The following SGCZ variants were observed in gnomAD, a reference collection of about 807,000 sequenced individuals.
The protein encoded by SGCZ is sarcoglycan zeta.
A neutral mutation model predicts 41.3 loss-of-function variants in SGCZ; 40 were observed. The observed-to-expected ratio is 0.97, with a 90% CI of 0.75 to 1.26. The LOEUF (loss-of-function observed/expected upper bound fraction) is 1.26, where lower values mean the gene tolerates loss of function less well. Ranked by LOEUF, SGCZ falls within the 50% of genes most tolerant of loss-of-function variation. SGCZ has a pLI of 0.00. For missense variants in SGCZ, 552 were observed against 369.8 expected (o/e 1.49, Z -4.04); for synonymous variants, 206 against 137.5 (o/e 1.50, Z -3.49).
At chr8:14,769,165 G>C (rs1298847231) in intron 1 of SGCZ, among the ~76,000 whole-genome samples, 1 of 151,946 alleles carries the variant, frequency 6.6e-6, no homozygotes, top group African/African-American at 2.4e-5. Context: ...TAGGGAGCGA[G>C]GGAAAAACAG....
At chr8:14,528,625 C>G (rs1412097870) in intron 2 of SGCZ, among the ~76,000 whole-genome samples, 27 of 151,750 alleles carry the variant, frequency 1.8e-4, no homozygotes, top group Admixed American at 1.8e-3. Flanking sequence ...TCCCCTGTTC[C>G]AACATAACCA....
At chr8:14,754,559 T>C (rs919664423) in intron 1 of SGCZ, among the ~76,000 whole-genome samples, 4 of 152,208 alleles carry the variant, frequency 2.6e-5, no homozygotes, top group Admixed American at 2.6e-4. Flanking sequence ...TCCAGAATAG[T>C]GGCTGGTACA....
intron 1 of SGCZ, among the ~76,000 whole-genome samples, chr8:14,656,480 T>G (rs73200888): frequency 0.043 from 6,266 of 146,074 alleles, 169 homozygotes; most frequent in South Asian, 0.12. Context: ...TTTCTTCTCT[T>G]TCTCCCTCTC....
At chr8:14,739,650 G>C (rs1799142673) in intron 1 of SGCZ, among the ~76,000 whole-genome samples, 1 of 151,906 alleles carries the variant, frequency 6.6e-6, no homozygotes, top group South Asian at 2.1e-4. Context: ...TAGAAAACTA[G>C]TTTATTTCTG....
At chr8:14,654,956 G>A (rs1807515339) in intron 1 of SGCZ, among the ~76,000 whole-genome samples, 1 of 151,922 alleles carries the variant, frequency 6.6e-6, no homozygotes, top group South Asian at 2.1e-4. Flanking sequence ...GGAAGCCACT[G>A]CACTGGCCCC....
chr8:14,582,936 C>T (rs1804940660), intron 1 of SGCZ, among the ~76,000 whole-genome samples: 1 of 151,872 alleles, frequency 6.6e-6, no homozygotes, highest in Admixed American at 6.6e-5. Flanking sequence ...GGTTCCAAGT[C>T]TTTGCTATGG....
intron 4 of SGCZ, among the ~76,000 whole-genome samples, chr8:14,167,448 T>G (rs1193565132): frequency 2.6e-5 from 4 of 152,154 alleles, no homozygotes; most frequent in Admixed American, 2.6e-4. Flanking sequence ...GGTAGTGCTA[T>G]ATTTTCTTAG....
intron 1 of SGCZ, among the ~76,000 whole-genome samples, chr8:15,111,007 AATAGC>A (rs1376013927): frequency 6.6e-6 from 1 of 152,178 alleles, no homozygotes; most frequent in Non-Finnish European, 1.5e-5. Flanking sequence ...GAATTTTTAA[AATAGC>A]ATAACCAACA....
chr8:14,912,545 T>C (rs1299701798), intron 1 of SGCZ, among the ~76,000 whole-genome samples: 1 of 152,062 alleles, frequency 6.6e-6, no homozygotes, highest in Non-Finnish European at 1.5e-5. Flanking sequence ...CAACATAAGA[T>C]GGAATATAGT....
chr8:14,446,048 C>T (rs571328145), intron 2 of SGCZ, among the ~76,000 whole-genome samples: 94 of 152,290 alleles, frequency 6.2e-4, no homozygotes, highest in Non-Finnish European at 9.6e-4. Flanking sequence ...TGTCATGAGT[C>T]TGAAGAAGGG....
At chr8:15,076,664 G>C (rs1296602575) in intron 1 of SGCZ, among the ~76,000 whole-genome samples, 1 of 151,878 alleles carries the variant, frequency 6.6e-6, no homozygotes, top group South Asian at 2.1e-4. Flanking sequence ...CCAGCCAGAA[G>C]GTAGAGATTG....
At chr8:14,594,984 C>T (rs957217684) in intron 1 of SGCZ, among the ~76,000 whole-genome samples, 7 of 151,612 alleles carry the variant, frequency 4.6e-5, no homozygotes, top group Non-Finnish European at 1.0e-4. Context: ...ATTAGTAAAG[C>T]CTTTGTTATA....
At chr8:14,849,469 T>A (rs982825215) in intron 1 of SGCZ, among the ~76,000 whole-genome samples, 1 of 152,126 alleles carries the variant, frequency 6.6e-6, no homozygotes, top group Admixed American at 6.5e-5. Context: ...TACTCATCAA[T>A]AAACAGAATC....
intron 1 of SGCZ, among the ~76,000 whole-genome samples, chr8:14,909,235 T>G (rs1027444015): frequency 2.5e-4 from 38 of 152,342 alleles, no homozygotes; most frequent in African/African-American, 8.9e-4. Flanking sequence ...TGCATTCACC[T>G]GTCCTCAAAT....
chr8:14,376,104 G>C (rs1219644101), intron 2 of SGCZ, among the ~76,000 whole-genome samples: 1 of 152,126 alleles, frequency 6.6e-6, no homozygotes, highest in Non-Finnish European at 1.5e-5. Flanking sequence ...ACAAGGTCTG[G>C]AGTTCGAGAC....
rs1554483786 is a variant in SGCZ, at chr8:14,702,823, A to AGATAGACAGAT, written c.40-147898_40-147897insATCTGTCTATC. Among the ~76,000 whole-genome samples the AGATAGACAGAT allele has an allele frequency of 4.2e-3, 105 of 25,186 alleles. 4 individuals carry two copies. Among genetic ancestry groups the AGATAGACAGAT allele is most frequent in the Non-Finnish European group, 8.2e-3 (77 of 9,396 alleles). 16.5% of individuals were successfully genotyped at this position (25,186 alleles called of 152,430 possible). ...CAGGTAGGTAGTTAGGTAGATAGATAGATAGATAGATAGATAGATAGATAG... is the reference window on the plus strand; with the variant it reads ...CAGGTAGGTAGTTAGGTAGATAGATAGATAGACAGATGATAGATAGATAGATAGATAGATAG... On this transcript the variant is annotated intron_variant, in intron 1 of 7. Coordinates refer to ENST00000382080, the MANE Select transcript of SGCZ (RefSeq NM_139167.4).
chr8:15,098,429 A>T (rs765602915), intron 1 of SGCZ, among the ~76,000 whole-genome samples: 173 of 152,296 alleles, frequency 1.1e-3, no homozygotes, highest in Non-Finnish European at 2.0e-3. Flanking sequence ...TGACCCGCCT[A>T]GTATCACACA....
intron 1 of SGCZ, among the ~76,000 whole-genome samples, chr8:15,015,682 C>A: frequency 3.4e-5 from 2 of 59,428 alleles, no homozygotes; most frequent in East Asian, 5.1e-4. Flanking sequence ...AGAGAGACTC[C>A]ATCTCAAAAA....
intron 1 of SGCZ, among the ~76,000 whole-genome samples, chr8:15,173,085 T>C (rs1799893133): frequency 6.6e-6 from 1 of 152,200 alleles, no homozygotes; most frequent in African/African-American, 2.4e-5. Flanking sequence ...TAAGGGGTTG[T>C]GTGCAGACTT....
Sources: allele counts gnomAD v4.1 joint callset (sites outside exome capture counted in the v4.1 genomes callset), GRCh38; gene constraint gnomAD v4.1.1; transcripts MANE v1.5; gene names NCBI Gene and HGNC (gene_info 2026-07-23, HGNC 2026-07-21).